Variants in SYK observed in about 807,000 individuals in gnomAD.
SYK encodes spleen associated tyrosine kinase.
A neutral mutation model predicts 77.8 loss-of-function variants in SYK; 16 were observed. The observed-to-expected ratio is 0.21, with a 90% confidence interval of 0.14 to 0.31. The LOEUF is 0.31. Among genes scored for constraint, SYK ranks in the 10% least tolerant of loss-of-function variants. The probability of loss-of-function intolerance (pLI) is 1.00; values close to 1 mark genes in which losing one functional copy is unlikely to be tolerated. For missense variants in SYK, 529 were observed against 814.4 expected (o/e 0.65, Z 4.26); for synonymous variants, 312 against 308.7 (o/e 1.01, Z -0.11).
At chr9:90,881,795 A>G (rs1302383624) in intron 11 of SYK, among the ~76,000 whole-genome samples, 1 of 152,174 alleles carries the variant, frequency 6.6e-6, no homozygotes, top group Non-Finnish European at 1.5e-5. Flanking sequence ...GTGCAGCATC[A>G]CAACTGAAAA....
intron 10 of SYK, among the ~76,000 whole-genome samples, chr9:90,878,126 TTAAA>T (rs1564115427): frequency 6.6e-6 from 1 of 152,218 alleles, no homozygotes; most frequent in Non-Finnish European, 1.5e-5. Flanking sequence ...AAGAAACATT[TTAAA>T]TAAATGCTTT....
intron 1 of SYK, among the ~76,000 whole-genome samples, chr9:90,807,365 T>C (rs1824878258): frequency 6.6e-6 from 1 of 152,212 alleles, no homozygotes; most frequent in South Asian, 2.1e-4. Context: ...TGCCTCAAAG[T>C]GACATTTATC....
At chr9:90,878,696 G>A (rs1564115749) in intron 10 of SYK, 68 bp from the exon 11 acceptor site, 12 of 1,370,058 alleles carry the variant, frequency 8.8e-6, no homozygotes, top group Non-Finnish European at 1.1e-5. Context: ...CCTGCGTGAG[G>A]AGCATGGTTG....
At position 90,888,502 on chromosome 9, in the gene SYK, T is replaced by C; in HGVS notation, c.1723-13T>C. On this transcript the variant is annotated splice_polypyrimidine_tract_variant and intron_variant, in intron 12 of 13. Coordinates refer to ENST00000375754, the MANE Select transcript of SYK (RefSeq NM_003177.7). ...AAAAAAAAAAAAGCTTATGCATATC[T>C]TGCATGTTGTAGGGGATGAAAGGAA... The C allele has an allele frequency of 1.3e-6, 2 of 1,575,344 alleles. No individual in the cohort carries two copies. The highest frequency in any genetic ancestry group is 2.0e-5 in the Admixed American group (1 of 49,792).
chr9:90,815,480 A>T (rs1160851276), intron 1 of SYK, among the ~76,000 whole-genome samples: 1 of 152,226 alleles, frequency 6.6e-6, no homozygotes, highest in African/African-American at 2.4e-5. Context: ...AAAGGCCACA[A>T]GAGAAGTCGT....
rs202172624 is a variant in SYK at position 90,896,668 on chromosome 9, A to G, written c.*1068A>G. ...TTGAGTTGAAGATACAAGATCGGAGAATGATTTTCTGGTCTTAACTAATCC... is the reference window on the plus strand; with the variant it reads ...TTGAGTTGAAGATACAAGATCGGAGGATGATTTTCTGGTCTTAACTAATCC... On this transcript the variant is annotated 3_prime_UTR_variant, in exon 14 of 14. Coordinates refer to ENST00000375754, the MANE Select transcript of SYK (RefSeq NM_003177.7). 1 of 232,540 alleles carries G rather than the reference A, an allele frequency of 4.3e-6. No homozygotes were observed. The highest frequency in any genetic ancestry group is 8.5e-6 in the Non-Finnish European group (1 of 117,584). The allele number at this position is 232,540 out of a possible 1,614,324, so 14.4% of individuals were successfully genotyped here.
At position 90,845,611 on chromosome 9, in the gene SYK, C is replaced by T. The variant is rs1826561200; in HGVS notation, c.578+17C>T. 1 of 1,611,370 alleles carries T rather than the reference C, an allele frequency of 6.2e-7. No individual in the cohort carries two copies. The highest frequency in any genetic ancestry group is 8.5e-7 in the Non-Finnish European group (1 of 1,178,306). Reference sequence around the variant, plus strand: ...AAAGTTCCTGTGAGTATCGTGCCTTCCCCCTCACCTCCTGCCACCAGGCCT... The same window carrying T: ...AAAGTTCCTGTGAGTATCGTGCCTTTCCCCTCACCTCCTGCCACCAGGCCT... On this transcript the variant is annotated intron_variant, in intron 3 of 13. Transcript: ENST00000375754.
chr9:90,861,371 A>G (rs948538405), intron 3 of SYK, among the ~76,000 whole-genome samples: 2 of 152,234 alleles, frequency 1.3e-5, no homozygotes, highest in African/African-American at 4.8e-5. Context: ...TTGGCTGCTC[A>G]GCACGGCCAG....
At position 90,896,172 on chromosome 9, in the gene SYK, A is replaced by C. The variant is rs1828975903; in HGVS notation, c.*572A>C. 1 of 233,178 alleles carries C rather than the reference A, an allele frequency of 4.3e-6. No individual in the cohort carries two copies. The highest frequency in any genetic ancestry group is 8.5e-6 in the Non-Finnish European group (1 of 118,010). The allele number at this position is 233,178 out of a possible 1,614,324, so 14.4% of individuals were successfully genotyped here. ...ATCAAGTTTGACCAGTGCAGTTTCTAAGCATGTAGCCAGTTAAGGAAAGAA... is the reference window on the plus strand; with the variant it reads ...ATCAAGTTTGACCAGTGCAGTTTCTCAGCATGTAGCCAGTTAAGGAAAGAA... On this transcript the variant is annotated 3_prime_UTR_variant, in exon 14 of 14. Coordinates refer to ENST00000375754, the MANE Select transcript of SYK (RefSeq NM_003177.7).
chr9:90,885,348 C>T (rs751292627), intron 11 of SYK, among the ~76,000 whole-genome samples: 3 of 151,980 alleles, frequency 2.0e-5, no homozygotes, highest in Non-Finnish European at 4.4e-5. Flanking sequence ...AAGAACCAAA[C>T]AGAAATTCTG....
intron 3 of SYK, among the ~76,000 whole-genome samples, chr9:90,851,663 G>A (rs1826827673): frequency 6.6e-6 from 1 of 152,154 alleles, no homozygotes; most frequent in African/African-American, 2.4e-5. Flanking sequence ...GAGTGGGGAA[G>A]GAGATCCCCT....
intron 1 of SYK, among the ~76,000 whole-genome samples, chr9:90,828,235 G>GCCCCCCCCC (rs60327886): frequency 1.8e-5 from 1 of 55,420 alleles, no homozygotes; most frequent in African/African-American, 6.7e-5. Flanking sequence ...CCTCACCCCC[G>GCCCCCCCCC]CCCCCCCCCC....
intron 1 of SYK, among the ~76,000 whole-genome samples, chr9:90,829,028 C>T (rs894923507): frequency 2.9e-4 from 44 of 152,324 alleles, no homozygotes; most frequent in African/African-American, 8.9e-4. Flanking sequence ...CAGAGGCTCA[C>T]GCCTGTAATC....
chr9:90,820,661 C>A (rs1399269541), intron 1 of SYK, among the ~76,000 whole-genome samples: 3 of 152,142 alleles, frequency 2.0e-5, no homozygotes, highest in Non-Finnish European at 4.4e-5. Flanking sequence ...TCCTCCTGGG[C>A]CTCCAGGTCT....
At chr9:90,829,006 G>A (rs1389806522) in intron 1 of SYK, among the ~76,000 whole-genome samples, 1 of 152,184 alleles carries the variant, frequency 6.6e-6, no homozygotes, top group African/African-American at 2.4e-5. Flanking sequence ...CACCTGGGAA[G>A]CAGGCCAGGC....
At chr9:90,822,003 G>A (rs1241180477) in intron 1 of SYK, among the ~76,000 whole-genome samples, 1 of 152,136 alleles carries the variant, frequency 6.6e-6, no homozygotes, top group Non-Finnish European at 1.5e-5. Flanking sequence ...CATAAAACAA[G>A]TGATGCATTG....
chr9:90,811,865 G>T (rs1423083661), intron 1 of SYK, among the ~76,000 whole-genome samples: 1 of 151,480 alleles, frequency 6.6e-6, no homozygotes, highest in African/African-American at 2.4e-5. Flanking sequence ...GGTCAAGGCT[G>T]CAGTGAGCTG....
At chr9:90,835,143 C>T (rs1046971598) in intron 1 of SYK, among the ~76,000 whole-genome samples, 9 of 152,150 alleles carry the variant, frequency 5.9e-5, no homozygotes, top group African/African-American at 1.2e-4. Context: ...TGAGTAACCC[C>T]GAGCTAATGT....
At chr9:90,892,986 G>A (rs932999792) in intron 13 of SYK, among the ~76,000 whole-genome samples, 1 of 152,334 alleles carries the variant, frequency 6.6e-6, no homozygotes, top group African/African-American at 2.4e-5. Context: ...TCCTCTGAGC[G>A]GCACATCCTC....
Sources: gnomAD v4.1 joint callset for allele counts (sites outside exome capture counted in the v4.1 genomes callset) on GRCh38, gnomAD v4.1.1 for gene constraint, MANE v1.5 for transcripts, NCBI Gene and HGNC (gene_info 2026-07-23, HGNC 2026-07-21) for gene names.